The following ADHFE1 variants were observed in gnomAD, a reference collection of about 807,000 sequenced individuals.
ADHFE1 encodes hydroxyacid-oxoacid transhydrogenase, mitochondrial.
ADHFE1 carries 37 observed loss-of-function variants against 54.8 expected under a neutral mutation model. The ratio of observed to expected loss-of-function variants is 0.68; its 90% CI spans 0.52 to 0.89. The LOEUF (loss-of-function observed/expected upper bound fraction) is 0.89. Ranked by LOEUF, ADHFE1 falls within the 40% of genes least tolerant of loss-of-function variation. ADHFE1 has a pLI of 0.00. For synonymous variants in ADHFE1, 203 were observed against 229.3 expected, an observed-to-expected ratio of 0.89 and a Z score of 1.04; for missense variants, 601 against 591.2, an observed-to-expected ratio of 1.02 and a Z score of -0.17.
At position 66,445,280 on chromosome 8, in the gene ADHFE1, G is replaced by C. The variant is rs560317327; in HGVS notation, c.416G>C (p.Gly139Ala). 1 of 1,613,772 alleles carries C rather than the reference G, an allele frequency of 6.2e-7. No individual in the cohort carries two copies. The highest frequency in any genetic ancestry group is 2.2e-5 in the East Asian group (1 of 44,872). Residue 139 changes from glycine to alanine, a missense_variant, in exon 6 of 14, where the codon GGT becomes GCT. By Grantham distance (60) the Gly-to-Ala change is moderately conservative (BLOSUM62 0). Transcript: ENST00000396623. Reference protein sequence around the residue: ...GAFDAYVAVGGGSTMDTCKAA... With the variant: ...GAFDAYVAVGAGSTMDTCKAA... Reference sequence around the variant, plus strand: ...TTTGATGCCTATGTTGCTGTCGGTGGTGGCTCTACCATGGACACCTGTAAG... The same window carrying C: ...TTTGATGCCTATGTTGCTGTCGGTGCTGGCTCTACCATGGACACCTGTAAG...
chr8:66,468,387 T>G lies in ADHFE1; in HGVS notation c.*35T>G. ...TAACTGAAAGAATTACCGCTGGCCA[T>G]TGTAGTGCTGAGAGCAAGAGCTGAT... On this transcript the variant is annotated 3_prime_UTR_variant, in exon 14 of 14. Transcript: ENST00000396623. 1.3e-6 allele frequency: 2 copies of G among 1,561,376 alleles called. No individual in the cohort carries two copies. The highest frequency in any genetic ancestry group is 1.4e-5 in the African/African-American group (1 of 73,556).
At chr8:66,460,187 C>T in intron 12 of ADHFE1, 121 bp from the exon 13 acceptor site, 2 of 1,284,966 alleles carry the variant, frequency 1.6e-6, no homozygotes, top group Admixed American at 2.0e-5. Flanking sequence ...ACGATGGCCC[C>T]GTGCTGGGCG....
chr8:66,447,602 A>G (rs982569599), intron 7 of ADHFE1, among the ~76,000 whole-genome samples: 2 of 152,240 alleles, frequency 1.3e-5, no homozygotes, highest in Non-Finnish European at 2.9e-5. Context: ...CTTTCTATGT[A>G]TGTAACCAAT....
At position 66,447,247 on chromosome 8, in the gene ADHFE1, ATAT is replaced by A; in HGVS notation, c.551-12_551-10del. On this transcript the variant is annotated splice_polypyrimidine_tract_variant and intron_variant, in intron 6 of 13. Transcript: ENST00000396623. ...TTATTTAGATGCTTTATTAAAATTA[ATAT>A]TATTTTGTTCAAGTGCCAACTACCT... 3.1e-6 allele frequency: 5 copies of A among 1,606,982 alleles called. No individual in the cohort carries two copies. Among genetic ancestry groups the A allele is most frequent in the South Asian group, 1.1e-5 (1 of 90,512 alleles).
At chr8:66,459,449 C>G (rs1216972089) in intron 12 of ADHFE1, 1 of 121,792 alleles carries the variant, frequency 8.2e-6, no homozygotes, top group Admixed American at 8.7e-5. Flanking sequence ...TTTTTTTTAA[C>G]AGAGACAGGG....
In ADHFE1 at chr8:66,468,275, G is replaced by T. The variant is rs952044082; in HGVS notation, c.1327G>T (p.Val443Phe). 6.2e-7 allele frequency: 1 copy of T among 1,611,972 alleles called. No homozygotes were observed. The highest frequency in any genetic ancestry group is 1.3e-5 in the African/African-American group (1 of 74,714). The change falls in exon 14 of 14, where the codon GTC becomes TTC. Residue 443 changes from valine (V) to phenylalanine (F), a missense_variant. Transcript: ENST00000396623. Reference protein sequence around the residue: ...LVKGTLPQERVTKLAPCPQSE... With the variant: ...LVKGTLPQERFTKLAPCPQSE... ...CTTTCATTTACTGTTTCAGGAAAGGGTCACCAAGCTTGCACCCTGTCCCCA... is the reference window on the plus strand; with the variant it reads ...CTTTCATTTACTGTTTCAGGAAAGGTTCACCAAGCTTGCACCCTGTCCCCA...
chr8:66,454,925 C>T (rs1433465875), intron 10 of ADHFE1, among the ~76,000 whole-genome samples: 1 of 152,026 alleles, frequency 6.6e-6, no homozygotes, highest in Admixed American at 6.6e-5. Flanking sequence ...ACCATGTTGG[C>T]CTGGCTGGTC....
intron 12 of ADHFE1, among the ~76,000 whole-genome samples, chr8:66,457,473 C>T (rs1586478316): frequency 7.0e-6 from 1 of 143,272 alleles, no homozygotes; most frequent in South Asian, 2.3e-4. Flanking sequence ...GTGAGACTCT[C>T]TCTCTCAAAA....
At chr8:66,443,778 T>G (rs1486621868) in intron 3 of ADHFE1, among the ~76,000 whole-genome samples, 1 of 152,050 alleles carries the variant, frequency 6.6e-6, no homozygotes, top group Non-Finnish European at 1.5e-5. Flanking sequence ...ATTCAGATGG[T>G]CTTATTAAAT....
chr8:66,449,047 C>A, intron 8 of ADHFE1, 77 bp downstream of exon 8: 2 of 1,285,022 alleles, frequency 1.6e-6, no homozygotes, highest in Non-Finnish European at 2.2e-6. Context: ...AACGCACATG[C>A]TAAGTATTCA....
rs1806164990 is a variant in ADHFE1, at chr8:66,448,981, G to A, written c.734+11G>A. 3 of 1,612,296 alleles carry A rather than the reference G, an allele frequency of 1.9e-6. No homozygotes were observed. Among genetic ancestry groups the A allele is most frequent in the East Asian group, 4.5e-5 (2 of 44,890 alleles). ...CTTTGATGTGCTTTGGTAAGTGCTG[G>A]TGCCTCCTGGAGGGGCTTTTTTAGT... On this transcript the variant is annotated intron_variant, in intron 8 of 13. Coordinates refer to ENST00000396623, the MANE Select transcript of ADHFE1 (RefSeq NM_144650.3).
In ADHFE1 at chr8:66,452,075, C is replaced by T. The variant is rs373699840; in HGVS notation, c.857C>T (p.Ala286Val). The part of the protein sequence containing the change: ...NPISDIWAIH[A>V]LRIVAKYLKR... Reference sequence around the variant, plus strand: ...ATCAGTGACATTTGGGCTATCCACGCGCTGCGGATCGTGGCTAAGTATCTG... The same window carrying T: ...ATCAGTGACATTTGGGCTATCCACGTGCTGCGGATCGTGGCTAAGTATCTG... Residue 286 changes from alanine (A) to valine (V), a missense_variant, in exon 9 of 14, where the codon GCG (alanine) becomes GTG (valine). Transcript: ENST00000396623. 80 of 1,614,002 alleles carry T rather than the reference C, an allele frequency of 5.0e-5. No individual in the cohort carries two copies. The highest frequency in any genetic ancestry group is 6.0e-5 in the Non-Finnish European group (71 of 1,180,006).
chr8:66,433,630 T>A (rs1805315748), intron 1 of ADHFE1, among the ~76,000 whole-genome samples: 1 of 152,208 alleles, frequency 6.6e-6, no homozygotes, highest in South Asian at 2.1e-4. Flanking sequence ...TCACAGTCCT[T>A]GTTCTTAGGC....
intron 6 of ADHFE1, 128 bp downstream of exon 6, chr8:66,445,542 C>T (rs1162969748): frequency 1.3e-5 from 11 of 865,508 alleles, no homozygotes; most frequent in South Asian, 1.2e-4. Flanking sequence ...CAAATCAATG[C>T]CTTGTTTGGA....
chr8:66,457,318 A>G, intron 12 of ADHFE1, 152 bp downstream of exon 12: 1 of 454,562 alleles, frequency 2.2e-6, no homozygotes, highest in Non-Finnish European at 3.8e-6. Context: ...ATCTCTACCA[A>G]AAAAAAAAAA....
chr8:66,440,362 A>G (rs1805686758), intron 2 of ADHFE1, among the ~76,000 whole-genome samples, 163 bp downstream of exon 2: 1 of 152,258 alleles, frequency 6.6e-6, no homozygotes, highest in Admixed American at 6.5e-5. Context: ...AACTCTATAC[A>G]AAGTTAGCTG....
intron 1 of ADHFE1, among the ~76,000 whole-genome samples, chr8:66,435,332 A>G (rs748169030): frequency 6.6e-6 from 1 of 152,184 alleles, no homozygotes; most frequent in Non-Finnish European, 1.5e-5. Context: ...GCTGAAGCCA[A>G]GGTGTGAGCA....
intron 10 of ADHFE1, among the ~76,000 whole-genome samples, chr8:66,455,444 T>C (rs1265356634): frequency 6.6e-6 from 1 of 152,220 alleles, no homozygotes; most frequent in Non-Finnish European, 1.5e-5. Flanking sequence ...ACTTTAAAAA[T>C]TAAGAATAGG....
rs1413603281 is a variant in ADHFE1 at position 66,451,998 on chromosome 8, C to T, written c.780C>T (p.Ser260=). Residue 260 remains serine (S), a synonymous_variant, in exon 9 of 14, where the codon AGC becomes AGT. Transcript: ENST00000396623. The part of the protein sequence containing the change: ...SYTTLPYHLR[S]PCPSNPITRP... ...CCACCCTGCCCTACCACCTGCGGAG[C>T]CCCTGCCCTTCAAATCCCATCACAC... is the stretch of plus-strand genomic sequence containing the variant. 1.2e-6 allele frequency: 2 copies of T among 1,614,180 alleles called. No homozygotes were observed. Among genetic ancestry groups the T allele is most frequent in the Non-Finnish European group, 1.7e-6 (2 of 1,180,016 alleles).
Sources: gnomAD v4.1 joint callset for allele counts (sites outside exome capture counted in the v4.1 genomes callset) on GRCh38, gnomAD v4.1.1 for gene constraint, MANE v1.5 for transcripts, NCBI Gene and HGNC (gene_info 2026-07-23, HGNC 2026-07-21) for gene names.